The following DCAF8L2 variants were observed in gnomAD, a reference collection of about 807,000 sequenced individuals.
DCAF8L2 encodes the protein DDB1- and CUL4-associated factor 8-like protein 2.
For missense variants in DCAF8L2, 430 were observed against 490.7 expected (o/e 0.88, Z 1.17); for synonymous variants, 200 against 190.9 (o/e 1.05, Z -0.39).
chrX:27,724,448 C>A (rs1932004009), intron 4 of DCAF8L2, among the ~76,000 whole-genome samples: 1 of 110,506 alleles, frequency 9.0e-6, no homozygotes, highest in East Asian at 2.8e-4. Flanking sequence ...CTTCATATAT[C>A]ATTGAAGACT....
At chrX:27,741,822 G>A (rs1332987146) in intron 4 of DCAF8L2, among the ~76,000 whole-genome samples, 1 of 111,930 alleles carries the variant, frequency 8.9e-6, no homozygotes, top group East Asian at 2.8e-4. Context: ...AGATGGATCA[G>A]TTTATCTAAT....
chrX:27,675,048 T>A (rs1392387880), intron 2 of DCAF8L2, among the ~76,000 whole-genome samples: 2 of 111,847 alleles, frequency 1.8e-5, no homozygotes, highest in Non-Finnish European at 3.8e-5. Flanking sequence ...TTCCAAGTAA[T>A]TTTTTTTATC....
intron 2 of DCAF8L2, among the ~76,000 whole-genome samples, chrX:27,653,763 A>ACACAC (rs1929244565): frequency 1.3e-5 from 1 of 79,856 alleles, no homozygotes; most frequent in African/African-American, 5.1e-5. Context: ...CACACACACA[A>ACACAC]CATATATTTC....
At chrX:27,567,017 T>C in the DCAF8L2 span, among the ~76,000 whole-genome samples, 2 of 111,628 alleles carry the variant, frequency 1.8e-5, no homozygotes, top group African/African-American at 6.5e-5. Context: ...AGTTTCCACA[T>C]ATTTGTGAAT....
At chrX:27,630,750 T>C (rs937556680) in intron 1 of DCAF8L2, among the ~76,000 whole-genome samples, 3 of 111,929 alleles carry the variant, frequency 2.7e-5, no homozygotes, top group Non-Finnish European at 5.6e-5. Flanking sequence ...TATAAAAAAA[T>C]AGAAATTAAT....
the DCAF8L2 span, among the ~76,000 whole-genome samples, chrX:27,556,118 TTCCCTTCCAAGTTTG>T: frequency 3.4e-3 from 380 of 111,390 alleles, 1 homozygote; most frequent in African/African-American, 0.011. Context: ...GGGAAAGTGG[TTCCCTTCCAAGTTTG>T]TCGCTCATTG....
chrX:27,501,097 G>A, the DCAF8L2 span, among the ~76,000 whole-genome samples: 1 of 110,907 alleles, frequency 9.0e-6, no homozygotes. Context: ...AATTTCCTGT[G>A]ACAAATACAT....
the DCAF8L2 span, among the ~76,000 whole-genome samples, chrX:27,474,167 A>G: frequency 1.8e-5 from 2 of 112,014 alleles, 1 homozygote; most frequent in Non-Finnish European, 3.8e-5. Context: ...AAAGAAAGGA[A>G]GAAACCTAGT....
At chrX:27,742,479 G>A (rs917933298) in intron 4 of DCAF8L2, among the ~76,000 whole-genome samples, 1 of 109,349 alleles carries the variant, frequency 9.1e-6, no homozygotes, top group South Asian at 4.0e-4. Flanking sequence ...TGAGGCAGGA[G>A]AATCGCTTGA....
chrX:27,558,797 C>T, the DCAF8L2 span, among the ~76,000 whole-genome samples: 2 of 94,613 alleles, frequency 2.1e-5, no homozygotes, highest in African/African-American at 7.8e-5. Context: ...GTGTGATGTT[C>T]CCCTTCCTGT....
At chrX:27,541,298 G>C in the DCAF8L2 span, among the ~76,000 whole-genome samples, 1 of 110,259 alleles carries the variant, frequency 9.1e-6, no homozygotes, top group African/African-American at 3.3e-5. Context: ...AGCAAGGCCT[G>C]TCTATATATA....
intron 1 of DCAF8L2, among the ~76,000 whole-genome samples, chrX:27,611,775 A>G (rs1927194272): frequency 9.0e-6 from 1 of 110,746 alleles, no homozygotes; most frequent in South Asian, 3.9e-4. Flanking sequence ...ACATGAAGTC[A>G]TCCTTTTTTA....
chrX:27,731,559 C>A (rs1388096441), intron 4 of DCAF8L2, among the ~76,000 whole-genome samples: 3 of 110,922 alleles, frequency 2.7e-5, no homozygotes, highest in African/African-American at 9.8e-5. Context: ...AGAGAAATAT[C>A]CTTGGTCTCC....
chrX:27,607,095 T>C (rs1926942190), intron 1 of DCAF8L2, among the ~76,000 whole-genome samples: 1 of 111,779 alleles, frequency 8.9e-6, no homozygotes, highest in South Asian at 3.7e-4. Context: ...GCTAGAAATA[T>C]AGTAAAAACA....
the DCAF8L2 span, among the ~76,000 whole-genome samples, chrX:27,578,112 A>C: frequency 1.3e-3 from 150 of 111,868 alleles, no homozygotes; most frequent in African/African-American, 4.8e-3. Flanking sequence ...CTAAGCAAAC[A>C]GAACAAAACT....
At chrX:27,503,242 T>C in the DCAF8L2 span, among the ~76,000 whole-genome samples, 1 of 111,466 alleles carries the variant, frequency 9.0e-6, no homozygotes, top group South Asian at 3.8e-4. Flanking sequence ...TTTCCCTGTC[T>C]GAGGCTTCTC....
In DCAF8L2 at chrX:27,696,258, A is replaced by AAG. The variant is rs1201774659; in HGVS notation, c.-143+18358_-143+18359dup. Among the ~76,000 whole-genome samples the AAG allele has an allele frequency of 5.6e-5, 5 of 89,232 alleles. No individual in the cohort carries two copies. In the East Asian group the frequency reaches 1.1e-3, roughly 19 times the overall value. 77.5% of individuals were successfully genotyped at this position (89,232 alleles called of 115,157 possible). On this transcript the variant is annotated intron_variant, in intron 3 of 4. Coordinates refer to ENST00000451261, the MANE Select transcript of DCAF8L2 (RefSeq NM_001353450.2). Reference sequence around the variant, plus strand: ...GAAAGAAAGAAAGAAGGAAGGAAGGAAGAGAGAGAGAGAAAGAAAGAAAGA... The same window carrying AAG: ...GAAAGAAAGAAAGAAGGAAGGAAGGAAGAGAGAGAGAGAGAAAGAAAGAAAGA...
At chrX:27,608,698 C>CT (rs773443796) in intron 1 of DCAF8L2, among the ~76,000 whole-genome samples, 3,771 of 104,789 alleles carry the variant, frequency 0.036, 164 homozygotes, top group African/African-American at 0.12. Context: ...TCCTGAACAT[C>CT]TTTTTTTTTT....
intron 3 of DCAF8L2, among the ~76,000 whole-genome samples, chrX:27,694,611 T>C (rs1930830145): frequency 9.0e-6 from 1 of 111,382 alleles, no homozygotes; most frequent in South Asian, 3.8e-4. Flanking sequence ...CAAGTTAACA[T>C]TGAAAGTTCA....
Sources: allele counts gnomAD v4.1 joint callset (sites outside exome capture counted in the v4.1 genomes callset), GRCh38; gene constraint gnomAD v4.1.1; transcripts MANE v1.5; gene names NCBI Gene and HGNC (gene_info 2026-07-23, HGNC 2026-07-21).